Variants in KIF24 observed in about 807,000 individuals in gnomAD.
KIF24 encodes the protein kinesin family member 24.
In KIF24, 81 loss-of-function variants were observed where a neutral mutation model predicts 118.9. The ratio of observed to expected loss-of-function variants is 0.68; its 90% CI spans 0.57 to 0.82. The LOEUF is 0.82. Among genes scored for constraint, KIF24 ranks in the 40% least tolerant of loss-of-function variants. The probability of loss-of-function intolerance (pLI) is 0.00; values close to 1 mark genes in which losing one functional copy is unlikely to be tolerated. For missense variants in KIF24, 1,560 were observed against 1,661.6 expected (o/e 0.94, Z 1.06); for synonymous variants, 599 against 610.0 (o/e 0.98, Z 0.27).
At chr9:34,298,473 G>C (rs1279088389) in intron 3 of KIF24, among the ~76,000 whole-genome samples, 1 of 151,786 alleles carries the variant, frequency 6.6e-6, no homozygotes, top group African/African-American at 2.4e-5. Context: ...TGGAACCCGG[G>C]AGGCAGAGGT....
chr9:34,260,223 C>T (rs1278969349), intron 9 of KIF24, among the ~76,000 whole-genome samples: 2 of 152,098 alleles, frequency 1.3e-5, no homozygotes, highest in East Asian at 3.8e-4. Context: ...TTTGGTTTGG[C>T]AATCACACTT....
Position 34,256,821 on chromosome 9 carries a change from G to A in KIF24, c.2786C>T (p.Pro929Leu). 6.2e-7 allele frequency: 1 copy of A among 1,613,980 alleles called. No individual in the cohort carries two copies. The highest frequency in any genetic ancestry group is 8.5e-7 in the Non-Finnish European group (1 of 1,179,888). The change falls in exon 11 of 13, where the codon CCT (proline) becomes CTT (leucine). Residue 929 changes from proline to leucine, a missense_variant. Physicochemically the swap from Pro to Leu is moderately conservative, Grantham distance 98. Coordinates refer to ENST00000402558, the MANE Select transcript of KIF24 (RefSeq NM_194313.4). ...CTCTGCCAGGCTGTCTCTGGGAGAA[G>A]GCCCTGAGGAAGTAGAGTTCTCTCT... ...WSRENSTSSG[P>L]SPRDSLAEKP...
intron 1 of KIF24, among the ~76,000 whole-genome samples, chr9:34,323,689 C>T (rs1837590213): frequency 6.6e-6 from 1 of 152,184 alleles, no homozygotes; most frequent in Non-Finnish European, 1.5e-5. Flanking sequence ...GACATTCTTT[C>T]AGTCCCTTTG....
At chr9:34,314,020 C>T (rs543616810) in intron 1 of KIF24, among the ~76,000 whole-genome samples, 11 of 151,400 alleles carry the variant, frequency 7.3e-5, no homozygotes, top group South Asian at 6.3e-4. Flanking sequence ...CCTCCCAAAG[C>T]GGTGGGATTA....
chr9:34,296,278 G>A (rs926291163), intron 4 of KIF24, among the ~76,000 whole-genome samples: 35 of 146,184 alleles, frequency 2.4e-4, no homozygotes, highest in African/African-American at 8.6e-4. Context: ...TGTAATCCCA[G>A]TACTTTGGGA....
rs10972056 is a variant in KIF24 at position 34,318,710 on chromosome 9, A to T, written c.-25-7339T>A. On this transcript the variant is annotated intron_variant, in intron 1 of 12. Transcript: ENST00000402558. The surrounding 1 kb of genome is among the most constrained non-coding windows in gnomAD (Gnocchi z 4.9). The stretch of plus-strand genomic sequence containing the variant: ...GGCAGTGCTGAGTGCCAAGCAGCTG[A>T]GCGACGAGGAGGTGCACGCCGGCGT... 14 of 1,510,074 alleles carry T rather than the reference A, an allele frequency of 9.3e-6. No homozygotes were observed. Among genetic ancestry groups the T allele is most frequent in the East Asian group, 7.0e-5 (3 of 43,148 alleles). The allele number at this position is 1,510,074 out of a possible 1,614,324, so 93.5% of individuals were successfully genotyped here. A position where few individuals can be genotyped will look rare whatever the true frequency, so the allele number is the denominator to read the frequency against.
At chr9:34,312,742 A>G (rs1837210132) in intron 1 of KIF24, among the ~76,000 whole-genome samples, 1 of 152,154 alleles carries the variant, frequency 6.6e-6, no homozygotes, top group Admixed American at 6.6e-5. Context: ...TCTGTTGCCC[A>G]GGCTGGAGTG....
At chr9:34,288,316 C>T (rs546645944) in intron 5 of KIF24, among the ~76,000 whole-genome samples, 1 of 151,594 alleles carries the variant, frequency 6.6e-6, no homozygotes, top group African/African-American at 2.4e-5. Context: ...ATAGGGAGAC[C>T]CTGTGTCTAC....
At chr9:34,271,280 AC>A (rs1296083433) in intron 7 of KIF24, among the ~76,000 whole-genome samples, 3 of 151,314 alleles carry the variant, frequency 2.0e-5, no homozygotes, top group African/African-American at 7.3e-5. Context: ...CACTTAAGTA[AC>A]CACTTAGGTA....
At chr9:34,298,460 C>T (rs181280649) in intron 3 of KIF24, among the ~76,000 whole-genome samples, 86 of 151,634 alleles carry the variant, frequency 5.7e-4, no homozygotes, top group African/African-American at 1.9e-3. Flanking sequence ...GCAGGAAAAT[C>T]GCTGGAACCC....
At position 34,254,416 on chromosome 9, in the gene KIF24, C is replaced by G. The variant is rs1187109561; in HGVS notation, c.4071G>C (p.Gly1357=). 6.2e-7 allele frequency: 1 copy of G among 1,613,752 alleles called. No homozygotes were observed. Among genetic ancestry groups the G allele is most frequent in the South Asian group, 1.1e-5 (1 of 91,068 alleles). Residue 1357 remains glycine (G), a synonymous_variant, in exon 13 of 13, where the codon GGG becomes GGC. Coordinates refer to ENST00000402558, the MANE Select transcript of KIF24 (RefSeq NM_194313.4). ...CTGTTCCCTCAGGGGCTGCGGTGGGCCCGTGGCAGGTGAGATAGAGCTGCA... is the reference window on the plus strand; with the variant it reads ...CTGTTCCCTCAGGGGCTGCGGTGGGGCCGTGGCAGGTGAGATAGAGCTGCA... ...SQLQLYLTCH[G]PTAAPEGTVP... is the part of the protein sequence containing the mutation.
At chr9:34,319,481 A>G (rs1432282613) in intron 1 of KIF24, 2 of 1,293,090 alleles carry the variant, frequency 1.5e-6, no homozygotes, top group East Asian at 4.7e-5. Context: ...AGTTGGACAC[A>G]GACGGCAACT....
At chr9:34,293,413 G>C (rs1256419861) in intron 4 of KIF24, among the ~76,000 whole-genome samples, 1 of 147,920 alleles carries the variant, frequency 6.8e-6, no homozygotes, top group Non-Finnish European at 1.5e-5. Flanking sequence ...CCGGGAGGCG[G>C]AAGTTGCAGT....
chr9:34,326,679 C>A (rs1837681334), intron 1 of KIF24, among the ~76,000 whole-genome samples: 1 of 152,100 alleles, frequency 6.6e-6, no homozygotes, highest in African/African-American at 2.4e-5. Context: ...GACAGGTTGG[C>A]TGGCATAGTA....
At chr9:34,286,870 T>C (rs1278813823) in intron 5 of KIF24, among the ~76,000 whole-genome samples, 166 bp from the exon 6 acceptor site, 3 of 152,200 alleles carry the variant, frequency 2.0e-5, no homozygotes, top group Non-Finnish European at 4.4e-5. Context: ...CTCAGCCCGA[T>C]TCAGGGGTGG....
chr9:34,307,958 T>C (rs1000272854), intron 2 of KIF24, among the ~76,000 whole-genome samples: 1 of 152,128 alleles, frequency 6.6e-6, no homozygotes. Flanking sequence ...ATATGTTTGA[T>C]TTTTCACAAG....
intron 8 of KIF24, 38 bp downstream of exon 8, chr9:34,269,219 A>G (rs1203503019): frequency 7.8e-7 from 1 of 1,283,666 alleles, no homozygotes; most frequent in South Asian, 1.2e-5. Context: ...GCAGTCTTTC[A>G]AGAAGGATTT....
chr9:34,282,082 A>G (rs542286101), intron 6 of KIF24, among the ~76,000 whole-genome samples: 23 of 152,356 alleles, frequency 1.5e-4, no homozygotes, highest in Admixed American at 9.2e-4. Context: ...ACCTTTGTAC[A>G]TGAATGTTCA....
chr9:34,258,737 G>A (rs1834948277), intron 10 of KIF24, among the ~76,000 whole-genome samples: 1 of 152,310 alleles, frequency 6.6e-6, no homozygotes, highest in South Asian at 2.1e-4. Flanking sequence ...GCTTCTCTAG[G>A]AAGATGAGTT....
Sources: allele counts gnomAD v4.1 joint callset (sites outside exome capture counted in the v4.1 genomes callset), GRCh38; gene constraint gnomAD v4.1.1; non-coding constraint Gnocchi (gnomAD v3.1); transcripts MANE v1.5; gene names NCBI Gene and HGNC (gene_info 2026-07-23, HGNC 2026-07-21).